The following REV3L variants were observed in gnomAD, a reference collection of about 807,000 sequenced individuals.
The protein encoded by REV3L is DNA polymerase zeta catalytic subunit.
A neutral mutation model predicts 299.4 loss-of-function variants in REV3L; 69 were observed. That is an observed-to-expected ratio of 0.23 (90% confidence interval 0.19 to 0.28). The LOEUF is 0.28. Ranked by LOEUF, REV3L falls within the 10% of genes least tolerant of loss-of-function variation. REV3L has a pLI of 1.00. For synonymous variants in REV3L, 1,238 were observed against 1,271.4 expected, an observed-to-expected ratio of 0.97 and a Z score of 0.56; for missense variants, 3,128 against 3,693.8, an observed-to-expected ratio of 0.85 and a Z score of 3.97.
At chr6:111,350,368 ATTGTT>A (rs1474097645) in intron 19 of REV3L, among the ~76,000 whole-genome samples, 2 of 152,130 alleles carry the variant, frequency 1.3e-5, no homozygotes, top group Non-Finnish European at 2.9e-5. Context: ...TACTCTGGTG[ATTGTT>A]TTAAGTTCTT....
At chr6:111,448,851 TAACTCCTGCTTGAGGAGTTAGA>T (rs1343215586) in intron 1 of REV3L, among the ~76,000 whole-genome samples, 1 of 149,802 alleles carries the variant, frequency 6.7e-6, no homozygotes, top group Non-Finnish European at 1.5e-5. Flanking sequence ...GCCTGGTCTC[TAACTCCTGCTTGAGGAGTTAGA>T]GACTCCTCAA....
At chr6:111,403,028 G>A (rs1783246633) in intron 4 of REV3L, among the ~76,000 whole-genome samples, 1 of 152,124 alleles carries the variant, frequency 6.6e-6, no homozygotes, top group African/African-American at 2.4e-5. Flanking sequence ...TAAATAAAAT[G>A]TAGTGTATTC....
intron 16 of REV3L, among the ~76,000 whole-genome samples, chr6:111,359,520 GA>G (rs371680267): frequency 0.24 from 24,007 of 101,736 alleles, 1,669 homozygotes; most frequent in African/African-American, 0.34. Flanking sequence ...AGTTTTTCCT[GA>G]AAAAAAAAAA....
chr6:111,477,520 G>C (rs943492773), intron 1 of REV3L, among the ~76,000 whole-genome samples: 5 of 152,162 alleles, frequency 3.3e-5, no homozygotes, highest in African/African-American at 9.7e-5. Flanking sequence ...CTCAGCAGGG[G>C]CAACGGCAGG....
At chr6:111,393,297 G>A (rs1189549803) in intron 4 of REV3L, among the ~76,000 whole-genome samples, 1 of 152,148 alleles carries the variant, frequency 6.6e-6, no homozygotes, top group Non-Finnish European at 1.5e-5. Context: ...GATTACAGGT[G>A]TGAGCCACCA....
At chr6:111,383,088 A>G (rs1280802377) in intron 9 of REV3L, among the ~76,000 whole-genome samples, 2 of 152,122 alleles carry the variant, frequency 1.3e-5, no homozygotes, top group Non-Finnish European at 2.9e-5. Flanking sequence ...GAGTAAACAC[A>G]AGTGACACTC....
At chr6:111,346,254 G>A (rs1777007140) in intron 20 of REV3L, among the ~76,000 whole-genome samples, 1 of 152,182 alleles carries the variant, frequency 6.6e-6, no homozygotes, top group African/African-American at 2.4e-5. Context: ...TTCTTGAAAA[G>A]CCTAGATTGA....
chr6:111,329,433 C>T, intron 25 of REV3L, 99 bp downstream of exon 25: 1 of 1,112,194 alleles, frequency 9.0e-7, no homozygotes, highest in East Asian at 2.4e-5. Flanking sequence ...CCCCGCACCA[C>T]ATCTTAGCTT....
At chr6:111,311,010 C>A in intron 29 of REV3L, 59 bp downstream of exon 29, 1 of 1,409,352 alleles carries the variant, frequency 7.1e-7, no homozygotes, top group South Asian at 1.5e-5. Context: ...TCATTTGGGT[C>A]TTCTAGACCT....
chr6:111,312,974 CG>C (rs1254854097), intron 28 of REV3L: 5 of 157,012 alleles, frequency 3.2e-5, no homozygotes, highest in African/African-American at 1.2e-4. Flanking sequence ...TTTGATAAAA[CG>C]TAAGGTATGG....
At position 111,322,054 on chromosome 6, in the gene REV3L, T is replaced by C. The variant is rs556288849; in HGVS notation, c.8351+515A>G. Among the ~76,000 whole-genome samples the C allele has an allele frequency of 4.6e-5, 7 of 152,304 alleles. No individual in the cohort carries two copies. The South Asian group carries it at 1.5e-3, about 32-fold the overall frequency. On this transcript the variant is annotated intron_variant, in intron 26 of 31. Coordinates refer to ENST00000368802, the MANE Select transcript of REV3L (RefSeq NM_001372078.1). ...ATTTGCCAATCCATAAATAATAGGC[T>C]TGAGGAAGTCTGTGGACCCTCTGGA...
chr6:111,452,702 T>C (rs1228296805), intron 1 of REV3L, among the ~76,000 whole-genome samples: 2 of 152,204 alleles, frequency 1.3e-5, no homozygotes, highest in Admixed American at 6.5e-5. Flanking sequence ...AGAAATATTT[T>C]ATATACCATG....
Position 111,376,448 on chromosome 6 carries a change from T to A in REV3L, c.1907A>T (p.His636Leu). Reference protein sequence around the residue: ...KYPGSLSSTVHSENSHKENSK... With the variant: ...KYPGSLSSTVLSENSHKENSK... Reference sequence around the variant, plus strand: ...ATTCTCTTTATGAGAATTTTCTGAATGAACAGTACTGCTTAAAGATCCAGG... The same window carrying A: ...ATTCTCTTTATGAGAATTTTCTGAAAGAACAGTACTGCTTAAAGATCCAGG... Residue 636 changes from histidine to leucine, a missense_variant, in exon 13 of 32, where the codon CAT (histidine) becomes CTT (leucine). His to Leu is a moderately conservative substitution (Grantham distance 99). Around this residue, in one of 9 missense-constraint regions of REV3L, gnomAD observed 2,409 missense variants for 2,611.8 expected, o/e 0.92. Transcript: ENST00000368802. The A allele has an allele frequency of 6.2e-7, 1 of 1,613,776 alleles. No individual in the cohort carries two copies. Among genetic ancestry groups the A allele is most frequent in the Non-Finnish European group, 8.5e-7 (1 of 1,179,836 alleles).
intron 1 of REV3L, among the ~76,000 whole-genome samples, chr6:111,449,401 C>CGA (rs1554241464): frequency 6.6e-6 from 1 of 151,808 alleles, no homozygotes; most frequent in Non-Finnish European, 1.5e-5. Flanking sequence ...AAGAGAACTG[C>CGA]AGAGACAGAC....
chr6:111,405,627 T>C lies in REV3L; in HGVS notation c.408A>G (p.Ile136Met). 1 of 1,575,994 alleles carries C rather than the reference T, an allele frequency of 6.3e-7. No homozygotes were observed. Among genetic ancestry groups the C allele is most frequent in the Non-Finnish European group, 8.6e-7 (1 of 1,166,614 alleles). Residue 136 changes from isoleucine to methionine, a missense_variant, in exon 4 of 32, where the codon ATA (isoleucine) becomes ATG (methionine). Ile to Met is a conservative substitution (Grantham distance 10, BLOSUM62 1). Coordinates refer to ENST00000368802, the MANE Select transcript of REV3L (RefSeq NM_001372078.1). ...TGGCTCCGCTTTGCAAAAGTTCACATATCCTAAATTAGAAAAAAAAAGTTT... is the reference window on the plus strand; with the variant it reads ...TGGCTCCGCTTTGCAAAAGTTCACACATCCTAAATTAGAAAAAAAAAGTTT... ...YLYNPTMVKR[I>M]CELLQSGAIM... is the part of the protein sequence containing the mutation.
chr6:111,337,796 AT>A (rs1403425810), intron 21 of REV3L, among the ~76,000 whole-genome samples: 3 of 152,314 alleles, frequency 2.0e-5, no homozygotes, highest in Non-Finnish European at 4.4e-5. Flanking sequence ...TAAATCTGAA[AT>A]AATGCATTAT....
intron 4 of REV3L, among the ~76,000 whole-genome samples, chr6:111,401,542 G>T (rs964476862): frequency 6.6e-6 from 1 of 152,134 alleles, no homozygotes; most frequent in Non-Finnish European, 1.5e-5. Context: ...TAAACCTGAG[G>T]TTATTATCCA....
In REV3L at chr6:111,371,807, G is replaced by GC. The variant is rs940882561; in HGVS notation, c.5759+788dup. ...TTGAACTCCTGACCTCAGGTGATCT[G>GC]CCCCCCTCGGCCTCCCAAAGTGCTG... On this transcript the variant is annotated intron_variant, in intron 13 of 31. Coordinates refer to ENST00000368802, the MANE Select transcript of REV3L (RefSeq NM_001372078.1). Among the ~76,000 whole-genome samples the GC allele has an allele frequency of 7.2e-5, 11 of 151,928 alleles. 1 individual carries two copies. Among genetic ancestry groups the GC allele is most frequent in the Admixed American group, 5.3e-4 (8 of 15,238 alleles).
intron 1 of REV3L, among the ~76,000 whole-genome samples, chr6:111,423,537 AGTGT>A (rs771006186): frequency 5.9e-5 from 9 of 151,580 alleles, no homozygotes; most frequent in African/African-American, 2.2e-4. Context: ...AGAGAAAAAC[AGTGT>A]GTGTGTGTGT....
Sources: gnomAD v4.1 joint callset for allele counts (sites outside exome capture counted in the v4.1 genomes callset) on GRCh38, gnomAD v4.1.1 for gene constraint, gnomAD v4.1.1 regional missense constraint, MANE v1.5 for transcripts, NCBI Gene and HGNC (gene_info 2026-07-23, HGNC 2026-07-21) for gene names.